Variants in LGR4 observed in about 807,000 individuals in gnomAD.
The protein encoded by LGR4 is leucine-rich repeat-containing G protein-coupled receptor 4.
A neutral mutation model predicts 84.8 loss-of-function variants in LGR4; 44 were observed. The ratio of observed to expected loss-of-function variants is 0.52; its 90% CI spans 0.41 to 0.67. The LOEUF (loss-of-function observed/expected upper bound fraction) is 0.67. LGR4 is among the 30% of genes least tolerant of loss of function. The pLI, the probability that LGR4 is intolerant of heterozygous loss-of-function variation, is 0.00. For missense variants in LGR4, 1,032 were observed against 1,131.4 expected (o/e 0.91, Z 1.26); for synonymous variants, 429 against 434.3 (o/e 0.99, Z 0.15).
In LGR4 at chr11:27,372,332, T is replaced by G; in HGVS notation, c.1446A>C (p.Leu482Phe). 2 of 1,613,906 alleles carry G rather than the reference T, an allele frequency of 1.2e-6. No homozygotes were observed. Among genetic ancestry groups the G allele is most frequent in the Non-Finnish European group, 1.7e-6 (2 of 1,179,752 alleles). The change falls in exon 16 of 18, where the codon TTA becomes TTC. Residue 482 changes from leucine to phenylalanine, a missense_variant. Coordinates refer to ENST00000379214, the MANE Select transcript of LGR4 (RefSeq NM_018490.5). Reference protein sequence around the residue: ...AFWGCDSYANLNTEDNSLQDH... With the variant: ...AFWGCDSYANFNTEDNSLQDH... ...CCTGGAGGCTGTTATCTTCTGTGTT[T>G]AAATTTGCATAAGAGTCACAACCCC...
chr11:27,468,113 A>T (rs982655609), intron 1 of LGR4, among the ~76,000 whole-genome samples: 2 of 146,498 alleles, frequency 1.4e-5, no homozygotes, highest in Non-Finnish European at 2.9e-5. Context: ...GTAGTGGGGG[A>T]AAAAAAATAC....
At chr11:27,370,770 T>G (rs1023934530) in intron 17 of LGR4, among the ~76,000 whole-genome samples, 3 of 152,166 alleles carry the variant, frequency 2.0e-5, no homozygotes, top group Admixed American at 1.3e-4. Flanking sequence ...CAGTTCTTTA[T>G]GTACATTCTC....
chr11:27,466,524 T>C (rs371199573), intron 1 of LGR4, among the ~76,000 whole-genome samples: 1 of 152,202 alleles, frequency 6.6e-6, no homozygotes, highest in Admixed American at 6.5e-5. Context: ...AGCTGAGAGA[T>C]AGACCTGACA....
intron 12 of LGR4, 43 bp from the exon 13 acceptor site, chr11:27,376,413 AAGAAG>A: frequency 9.2e-7 from 1 of 1,088,392 alleles, no homozygotes; most frequent in Non-Finnish European, 1.4e-6. Flanking sequence ...GACAAAGACA[AAGAAG>A]AGAACAGGAG....
chr11:27,370,968 C>T (rs1329403988), intron 17 of LGR4, among the ~76,000 whole-genome samples: 3 of 152,056 alleles, frequency 2.0e-5, no homozygotes, highest in East Asian at 3.9e-4. Flanking sequence ...CATACGCAGC[C>T]CCTTAAGAAG....
intron 1 of LGR4, among the ~76,000 whole-genome samples, chr11:27,456,095 C>T (rs1241874994): frequency 6.6e-6 from 1 of 152,148 alleles, no homozygotes; most frequent in African/African-American, 2.4e-5. Flanking sequence ...AATGAGAAAG[C>T]AAAATGCTTC....
intron 6 of LGR4, among the ~76,000 whole-genome samples, chr11:27,382,469 T>A (rs527933847): frequency 2.6e-5 from 4 of 152,358 alleles, no homozygotes; most frequent in African/African-American, 9.6e-5. Flanking sequence ...TCTTCTTCCA[T>A]GATGTTTTTA....
At chr11:27,453,939 A>G (rs1421565774) in intron 1 of LGR4, among the ~76,000 whole-genome samples, 1 of 152,170 alleles carries the variant, frequency 6.6e-6, no homozygotes, top group African/African-American at 2.4e-5. Flanking sequence ...CCCTTTTGGA[A>G]TTTAGTAAGA....
intron 1 of LGR4, among the ~76,000 whole-genome samples, chr11:27,416,337 C>A (rs1863818060): frequency 6.6e-6 from 1 of 152,164 alleles, no homozygotes; most frequent in African/African-American, 2.4e-5. Flanking sequence ...GATATTTTCT[C>A]TGCCCTGGCT....
rs2133356764 is a variant in LGR4, at chr11:27,367,649, T to C, written c.*218A>G. 1 of 470,128 alleles carries C rather than the reference T, an allele frequency of 2.1e-6. No individual in the cohort carries two copies. Among genetic ancestry groups the C allele is most frequent in the Non-Finnish European group, 3.8e-6 (1 of 266,462 alleles). The allele number at this position is 470,128 out of a possible 1,614,324, so 29.1% of individuals were successfully genotyped here. On this transcript the variant is annotated 3_prime_UTR_variant, in exon 18 of 18. Coordinates refer to ENST00000379214, the MANE Select transcript of LGR4 (RefSeq NM_018490.5). ...AAGTCATATATTTGTTTCAAACAGA[T>C]CATACATTGCTTGGACATTGCATTT...
At chr11:27,393,694 T>G (rs1863327601) in intron 2 of LGR4, among the ~76,000 whole-genome samples, 1 of 152,078 alleles carries the variant, frequency 6.6e-6, no homozygotes, top group African/African-American at 2.4e-5. Context: ...ACCTACTAAG[T>G]GCCAGACACA....
intron 13 of LGR4, among the ~76,000 whole-genome samples, chr11:27,375,294 T>C (rs767739947): frequency 1.2e-3 from 110 of 94,000 alleles, no homozygotes; most frequent in Non-Finnish European, 2.2e-3. Flanking sequence ...AGAGACCCTG[T>C]CTCAAAAAAA....
rs745875057 is a variant in LGR4 at position 27,378,686 on chromosome 11, A to C, written c.1043+11T>G. On this transcript the variant is annotated intron_variant, in intron 11 of 17. Coordinates refer to ENST00000379214, the MANE Select transcript of LGR4 (RefSeq NM_018490.5). Reference sequence around the variant, plus strand: ...AAGGTATGAGGGGAAGGGAAGAAGAATCCAACTTACAAAGTCCTAAGCATC... The same window carrying C: ...AAGGTATGAGGGGAAGGGAAGAAGACTCCAACTTACAAAGTCCTAAGCATC... The C allele has an allele frequency of 1.3e-6, 2 of 1,575,602 alleles. No individual in the cohort carries two copies. The highest frequency in any genetic ancestry group is 1.7e-6 in the Non-Finnish European group (2 of 1,146,678).
chr11:27,387,048 G>C (rs1044881766), intron 4 of LGR4, among the ~76,000 whole-genome samples: 1 of 151,928 alleles, frequency 6.6e-6, no homozygotes, highest in Non-Finnish European at 1.5e-5. Context: ...ATGCGCACAC[G>C]CACACACACC....
At chr11:27,442,138 T>C (rs764134180) in intron 1 of LGR4, among the ~76,000 whole-genome samples, 6 of 152,024 alleles carry the variant, frequency 3.9e-5, no homozygotes, top group Non-Finnish European at 8.8e-5. Flanking sequence ...GAGGCTGAGA[T>C]GGAGAAAAGC....
chr11:27,379,779 A>C lies in LGR4; in HGVS notation c.971+492T>G, dbSNP rs542471687. ...GTCATTTCAAAGTCTAATACCAAAC[A>C]ATTCTCCGATTTCTCCATACCATCC... On this transcript the variant is annotated intron_variant, in intron 10 of 17. Transcript: ENST00000379214. Among the ~76,000 whole-genome samples, 19 of 152,258 alleles carry C rather than the reference A, an allele frequency of 1.2e-4. No homozygotes were observed. In the South Asian group the frequency reaches 3.1e-3, roughly 25 times the overall value.
intron 10 of LGR4, 77 bp downstream of exon 10, chr11:27,380,194 C>T: frequency 1.2e-6 from 1 of 861,270 alleles, no homozygotes; most frequent in Non-Finnish European, 1.9e-6. Flanking sequence ...ATCATTGTCA[C>T]TAAAAGACCC....
Position 27,385,344 on chromosome 11 carries a change from G to C in LGR4, c.526C>G (p.Leu176Val). The C allele has an allele frequency of 1.2e-6, 2 of 1,611,696 alleles. No homozygotes were observed. Among genetic ancestry groups the C allele is most frequent in the Non-Finnish European group, 8.5e-7 (1 of 1,179,098 alleles). Residue 176 changes from leucine to valine, a missense_variant, in exon 5 of 18, where the codon CTG becomes GTG. Physicochemically the swap from Leu to Val is conservative, Grantham distance 32 (BLOSUM62 1). Coordinates refer to ENST00000379214, the MANE Select transcript of LGR4 (RefSeq NM_018490.5). The part of the protein sequence containing the change: ...TEVPVHPLSN[L>V]PTLQALTLAL... Reference sequence around the variant, plus strand: ...AGGGTCAGCGCCTGTAGGGTGGGCAGATTGCTGAGGGGGTGCACAGGCACC... The same window carrying C: ...AGGGTCAGCGCCTGTAGGGTGGGCACATTGCTGAGGGGGTGCACAGGCACC...
chr11:27,386,250 TC>T (rs1290911247), intron 4 of LGR4, among the ~76,000 whole-genome samples: 1 of 152,202 alleles, frequency 6.6e-6, no homozygotes, highest in Admixed American at 6.5e-5. Flanking sequence ...TAAAATTAAG[TC>T]CCCATCTGAA....
Sources: gnomAD v4.1 joint callset for allele counts (sites outside exome capture counted in the v4.1 genomes callset) on GRCh38, gnomAD v4.1.1 for gene constraint, MANE v1.5 for transcripts, NCBI Gene and HGNC (gene_info 2026-07-23, HGNC 2026-07-21) for gene names.